The following NAV3 variants were observed in gnomAD, a reference collection of about 807,000 sequenced individuals.
The protein encoded by NAV3 is neuron navigator 3, also known as pore membrane and/or filament interacting like protein 1.
A neutral mutation model predicts 244.7 loss-of-function variants in NAV3; 87 were observed. The ratio of observed to expected loss-of-function variants is 0.36; its 90% confidence interval spans 0.30 to 0.42. The LOEUF (loss-of-function observed/expected upper bound fraction) is 0.42, where lower values mean the gene tolerates loss of function less well. Among genes scored for constraint, NAV3 ranks in the 20% least tolerant of loss-of-function variants. The pLI is 1.00. For missense variants in NAV3, 2,663 were observed against 2,893.3 expected (o/e 0.92, Z 1.83); for synonymous variants, 1,126 against 1,042.2 (o/e 1.08, Z -1.55).
chr12:78,133,602 TA>T (rs1214975313), intron 18 of NAV3, among the ~76,000 whole-genome samples: 1 of 151,896 alleles, frequency 6.6e-6, no homozygotes, highest in Admixed American at 6.6e-5. Flanking sequence ...AATTTTACTA[TA>T]AAAAATCACA....
At chr12:77,790,192 A>C (rs1050674074) in intron 2 of NAV3, among the ~76,000 whole-genome samples, 2 of 152,178 alleles carry the variant, frequency 1.3e-5, no homozygotes, top group African/African-American at 4.8e-5. Context: ...AAAAGCAACA[A>C]ATTTATTCAT....
chr12:77,942,545 T>C (rs1383058672), intron 3 of NAV3, among the ~76,000 whole-genome samples: 2 of 152,190 alleles, frequency 1.3e-5, no homozygotes, highest in Non-Finnish European at 2.9e-5. Context: ...GGAAACTTCC[T>C]GATCTAATTA....
chr12:78,056,210 T>A (rs985792098), intron 11 of NAV3: 8 of 152,206 alleles, frequency 5.3e-5, no homozygotes, highest in African/African-American at 1.9e-4. Context: ...TAAGATCTGA[T>A]CAGCAGATGA....
chr12:77,583,761 T>C (rs1869474605), intron 2 of NAV3, among the ~76,000 whole-genome samples: 1 of 152,210 alleles, frequency 6.6e-6, no homozygotes, highest in Non-Finnish European at 1.5e-5. Context: ...CCTAAAACTC[T>C]GATGACTTTT....
At chr12:78,175,269 T>C (rs1958171018) in intron 24 of NAV3, 37 bp from the exon 25 acceptor site, 1 of 1,605,566 alleles carries the variant, frequency 6.2e-7, no homozygotes, top group Non-Finnish European at 8.5e-7. Context: ...ATCGAGACTC[T>C]TCATGAGCCG....
chr12:77,592,043 G>A (rs1360143530), intron 2 of NAV3, among the ~76,000 whole-genome samples: 2 of 150,346 alleles, frequency 1.3e-5, no homozygotes, highest in African/African-American at 2.5e-5. Context: ...TAATGGGCAG[G>A]CACCACAGGA....
At chr12:77,790,953 G>A (rs1292665416) in intron 2 of NAV3, among the ~76,000 whole-genome samples, 1 of 152,142 alleles carries the variant, frequency 6.6e-6, no homozygotes, top group Non-Finnish European at 1.5e-5. Flanking sequence ...CTCTGCATAT[G>A]CCCTTTTAGT....
intron 30 of NAV3, among the ~76,000 whole-genome samples, chr12:78,183,778 A>G (rs1315453104): frequency 1.3e-5 from 2 of 151,698 alleles, no homozygotes; most frequent in Non-Finnish European, 2.9e-5. Context: ...AATCAGGCCA[A>G]CCTCCTTTGC....
intron 12 of NAV3, among the ~76,000 whole-genome samples, chr12:78,061,553 A>G (rs943586710): frequency 6.6e-6 from 1 of 152,110 alleles, no homozygotes; most frequent in Non-Finnish European, 1.5e-5. Flanking sequence ...AAATCCTCCT[A>G]TTAGCAGAGA....
intron 2 of NAV3, among the ~76,000 whole-genome samples, chr12:77,786,165 T>C (rs538256213): frequency 6.6e-6 from 1 of 152,264 alleles, no homozygotes; most frequent in East Asian, 1.9e-4. Context: ...TCCAGGGTAA[T>C]TGAAAGTGTC....
At chr12:77,994,082 G>T (rs1204693642) in intron 5 of NAV3, among the ~76,000 whole-genome samples, 1 of 152,204 alleles carries the variant, frequency 6.6e-6, no homozygotes, top group Non-Finnish European at 1.5e-5. Context: ...GCTTTCTTGT[G>T]TGCCTTTGAA....
intron 18 of NAV3, 131 bp downstream of exon 18, chr12:78,128,997 T>G (rs2138860809): frequency 1.3e-6 from 1 of 771,548 alleles, no homozygotes; most frequent in South Asian, 1.9e-5. Flanking sequence ...AACAGTACCT[T>G]TCATTTGTGT....
intron 3 of NAV3, among the ~76,000 whole-genome samples, chr12:77,953,921 G>T (rs1257960102): frequency 6.6e-6 from 1 of 152,120 alleles, no homozygotes; most frequent in Admixed American, 6.6e-5. Flanking sequence ...TAAAACAATA[G>T]AAATTTAACT....
chr12:77,910,029 A>G (rs1013412486), intron 1 of NAV3, among the ~76,000 whole-genome samples: 36 of 152,226 alleles, frequency 2.4e-4, no homozygotes, highest in Admixed American at 1.2e-3. Flanking sequence ...GAATAGCACG[A>G]TTTTACTCTC....
At chr12:77,695,262 G>T (rs1235578758) in intron 2 of NAV3, among the ~76,000 whole-genome samples, 2 of 152,054 alleles carry the variant, frequency 1.3e-5, no homozygotes, top group Non-Finnish European at 1.5e-5. Flanking sequence ...AATGTTTTCT[G>T]TAGTAGTTTC....
At chr12:77,972,220 C>T (rs1893055333) in intron 5 of NAV3, among the ~76,000 whole-genome samples, 1 of 152,004 alleles carries the variant, frequency 6.6e-6, no homozygotes, top group Admixed American at 6.6e-5. Flanking sequence ...GCATGTGTGT[C>T]CTGCTCAAGT....
intron 2 of NAV3, among the ~76,000 whole-genome samples, chr12:77,704,211 T>C (rs1875689764): frequency 6.6e-6 from 1 of 152,272 alleles, no homozygotes; most frequent in East Asian, 1.9e-4. Context: ...GTTTTAATAA[T>C]AGTTAAAGTT....
intron 22 of NAV3, among the ~76,000 whole-genome samples, chr12:78,150,162 A>G (rs1443406448): frequency 6.6e-6 from 1 of 152,066 alleles, no homozygotes; most frequent in Non-Finnish European, 1.5e-5. Context: ...AGAAGTATGA[A>G]ATATTGTTGT....
chr12:77,603,305 A>G (rs1240973024), intron 2 of NAV3, among the ~76,000 whole-genome samples: 2 of 152,120 alleles, frequency 1.3e-5, no homozygotes, highest in African/African-American at 4.8e-5. Flanking sequence ...GGGCTGCAGT[A>G]TGACATGAAT....
Sources: gnomAD v4.1 joint callset for allele counts (sites outside exome capture counted in the v4.1 genomes callset) on GRCh38, gnomAD v4.1.1 for gene constraint, MANE v1.5 for transcripts, NCBI Gene and HGNC (gene_info 2026-07-23, HGNC 2026-07-21) for gene names.